The following CTNNA3 variants were observed in gnomAD, a reference collection of about 807,000 sequenced individuals.
CTNNA3 encodes the protein catenin alpha-3.
CTNNA3 carries 76 observed loss-of-function variants against 95.7 expected under a neutral mutation model. That is an observed-to-expected ratio of 0.79 (90% CI 0.66 to 0.96). The LOEUF (loss-of-function observed/expected upper bound fraction) is 0.96, where lower values mean the gene tolerates loss of function less well. Ranked by LOEUF, CTNNA3 falls within the 40% of genes least tolerant of loss-of-function variation. CTNNA3 has a pLI of 0.00. For synonymous variants in CTNNA3, 431 were observed against 374.4 expected (o/e 1.15, Z -1.74); for missense variants, 1,191 against 1,089.8 (o/e 1.09, Z -1.31).
At chr10:66,249,786 T>C (rs1348518039) in intron 13 of CTNNA3, among the ~76,000 whole-genome samples, 1 of 152,088 alleles carries the variant, frequency 6.6e-6, no homozygotes, top group Non-Finnish European at 1.5e-5. Flanking sequence ...ATAGCACCAC[T>C]GCACTCCAGC....
chr10:67,317,923 A>C (rs1841130356), intron 5 of CTNNA3, among the ~76,000 whole-genome samples: 1 of 152,146 alleles, frequency 6.6e-6, no homozygotes, highest in African/African-American at 2.4e-5. Flanking sequence ...ATCTCTTTAA[A>C]ATCAGGAGAC....
chr10:67,005,596 A>T (rs949517475), intron 7 of CTNNA3, among the ~76,000 whole-genome samples: 1 of 151,716 alleles, frequency 6.6e-6, no homozygotes, highest in African/African-American at 2.4e-5. Context: ...TGAATCGGAA[A>T]AAAAGGTATG....
chr10:67,554,491 A>G (rs1841158563), intron 3 of CTNNA3, among the ~76,000 whole-genome samples: 1 of 152,058 alleles, frequency 6.6e-6, no homozygotes, highest in African/African-American at 2.4e-5. Context: ...TTTGATTTGC[A>G]TTTCTCTGAT....
At chr10:66,958,919 A>G (rs1193442755) in intron 7 of CTNNA3, among the ~76,000 whole-genome samples, 2 of 152,148 alleles carry the variant, frequency 1.3e-5, no homozygotes, top group Non-Finnish European at 2.9e-5. Flanking sequence ...TATAGGTCAG[A>G]TATCATTTAA....
intron 14 of CTNNA3, among the ~76,000 whole-genome samples, chr10:66,072,488 A>G (rs927399977): frequency 2.0e-5 from 3 of 151,178 alleles, no homozygotes; most frequent in African/African-American, 7.3e-5. Flanking sequence ...TCTGTCACCC[A>G]GGCTGGAGTG....
intron 7 of CTNNA3, among the ~76,000 whole-genome samples, chr10:67,155,586 C>T (rs555162516): frequency 6.6e-6 from 1 of 151,454 alleles, no homozygotes. Flanking sequence ...CCAAATAATC[C>T]TATTATGTAC....
At chr10:66,382,427 G>A (rs974759496) in intron 11 of CTNNA3, among the ~76,000 whole-genome samples, 3 of 151,962 alleles carry the variant, frequency 2.0e-5, no homozygotes, top group African/African-American at 7.2e-5. Context: ...CAGTGGCCAG[G>A]AAGCTCGAAC....
chr10:65,965,751 T>A (rs1589188029), intron 17 of CTNNA3, among the ~76,000 whole-genome samples: 1 of 152,166 alleles, frequency 6.6e-6, no homozygotes, highest in Admixed American at 6.5e-5. Context: ...TTACATCCTC[T>A]TTCAGAACAT....
chr10:66,685,317 G>A (rs1344078736), intron 9 of CTNNA3, among the ~76,000 whole-genome samples: 1,251 of 44,158 alleles, frequency 0.028, 62 homozygotes, highest in African/African-American at 0.076. Context: ...ATGTGTGTGT[G>A]TATGTGTGTA....
At chr10:66,044,289 C>A (rs1477620668) in intron 15 of CTNNA3, among the ~76,000 whole-genome samples, 1 of 152,116 alleles carries the variant, frequency 6.6e-6, no homozygotes, top group African/African-American at 2.4e-5. Flanking sequence ...CTGTGCCCGG[C>A]CTTCCATTTT....
intron 5 of CTNNA3, among the ~76,000 whole-genome samples, chr10:67,223,125 C>A (rs1864733713): frequency 6.6e-6 from 1 of 152,150 alleles, no homozygotes; most frequent in Non-Finnish European, 1.5e-5. Flanking sequence ...AACGTTACAG[C>A]AGTGGACAGG....
intron 5 of CTNNA3, among the ~76,000 whole-genome samples, chr10:67,357,426 A>G (rs1842848186): frequency 1.3e-5 from 2 of 152,134 alleles, no homozygotes; most frequent in Non-Finnish European, 2.9e-5. Context: ...AAGGCTTCAT[A>G]TATTCAATAA....
chr10:67,180,700 A>C (rs530506396), intron 6 of CTNNA3, among the ~76,000 whole-genome samples, 180 bp from the exon 7 acceptor site: 2 of 152,316 alleles, frequency 1.3e-5, no homozygotes, highest in East Asian at 3.9e-4. Flanking sequence ...ATAAATAATG[A>C]AAGTGATGCA....
At chr10:66,240,754 A>G (rs547541327) in intron 13 of CTNNA3, among the ~76,000 whole-genome samples, 2 of 152,102 alleles carry the variant, frequency 1.3e-5, no homozygotes, top group South Asian at 4.1e-4. Flanking sequence ...GAGAGACATC[A>G]AGAACCAAAG....
chr10:66,304,933 A>G (rs959794424), intron 12 of CTNNA3, among the ~76,000 whole-genome samples: 1 of 152,056 alleles, frequency 6.6e-6, no homozygotes, highest in African/African-American at 2.4e-5. Flanking sequence ...TTTGATATAT[A>G]TTTCCTAGTT....
chr10:66,210,267 G>A (rs10996974), intron 13 of CTNNA3, among the ~76,000 whole-genome samples: 22,078 of 150,720 alleles, frequency 0.15, 2,710 homozygotes, highest in African/African-American at 0.34. Flanking sequence ...AGCTGATATG[G>A]GGAAAAAATG....
intron 5 of CTNNA3, among the ~76,000 whole-genome samples, chr10:67,373,676 C>A (rs1170006460): frequency 1.3e-5 from 2 of 152,084 alleles, no homozygotes; most frequent in East Asian, 3.9e-4. Context: ...AAAAAGCAAG[C>A]TACAGAGGAG....
intron 5 of CTNNA3, among the ~76,000 whole-genome samples, chr10:67,223,187 C>T (rs561524950): frequency 1.3e-5 from 2 of 152,138 alleles, no homozygotes; most frequent in Non-Finnish European, 2.9e-5. Flanking sequence ...CAAGGCATGA[C>T]CATTTCTCCC....
intron 11 of CTNNA3, among the ~76,000 whole-genome samples, chr10:66,423,419 A>T (rs1239545294): frequency 6.6e-6 from 1 of 152,152 alleles, no homozygotes; most frequent in Non-Finnish European, 1.5e-5. Context: ...CAGGAGCATC[A>T]CTGTCTTGGA....
Sources: gnomAD v4.1 joint callset for allele counts (sites outside exome capture counted in the v4.1 genomes callset) on GRCh38, gnomAD v4.1.1 for gene constraint, MANE v1.5 for transcripts, NCBI Gene and HGNC (gene_info 2026-07-23, HGNC 2026-07-21) for gene names.